The following MGAT4C variants were observed in gnomAD, a reference collection of about 807,000 sequenced individuals.
MGAT4C encodes alpha-1,3-mannosyl-glycoprotein 4-beta-N-acetylglucosaminyltransferase C.
In MGAT4C, 19 loss-of-function variants were observed where a neutral mutation model predicts 40.1. That is an observed-to-expected ratio of 0.47 (90% CI 0.33 to 0.70). The LOEUF is 0.70. Among genes scored for constraint, MGAT4C ranks in the 30% least tolerant of loss-of-function variants. The probability of loss-of-function intolerance (pLI) is 0.02; values close to 1 mark genes in which losing one functional copy is unlikely to be tolerated. For synonymous variants in MGAT4C, 181 were observed against 187.1 expected (o/e 0.97, Z 0.27); for missense variants, 491 against 563.2 (o/e 0.87, Z 1.30).
At chr12:86,801,424 TAATG>T (rs1019224298) in intron 1 of MGAT4C, among the ~76,000 whole-genome samples, 1 of 151,798 alleles carries the variant, frequency 6.6e-6, no homozygotes, top group Admixed American at 6.6e-5. Context: ...TTAGGAACAG[TAATG>T]AATATGAGTG....
intron 2 of MGAT4C, among the ~76,000 whole-genome samples, chr12:86,473,369 G>C (rs776350070): frequency 6.6e-6 from 1 of 152,136 alleles, no homozygotes; most frequent in Admixed American, 6.5e-5. Flanking sequence ...GCTGTGATCA[G>C]AGTTTGCACC....
intron 2 of MGAT4C, among the ~76,000 whole-genome samples, chr12:86,048,351 A>G (rs1473324410): frequency 6.6e-6 from 1 of 152,028 alleles, no homozygotes; most frequent in African/African-American, 2.4e-5. Flanking sequence ...TTGAAAAACT[A>G]CTAAATCGGG....
chr12:86,510,548 A>G (rs537354978), intron 2 of MGAT4C, among the ~76,000 whole-genome samples: 2 of 152,292 alleles, frequency 1.3e-5, no homozygotes, highest in South Asian at 4.1e-4. Flanking sequence ...AGACTGGCAA[A>G]TTGGATGAAG....
intron 2 of MGAT4C, among the ~76,000 whole-genome samples, chr12:86,514,394 T>C (rs939437752): frequency 2.8e-4 from 42 of 152,162 alleles, no homozygotes; most frequent in African/African-American, 9.9e-4. Flanking sequence ...ATTATATGTC[T>C]AAAGGTCAGA....
intron 2 of MGAT4C, among the ~76,000 whole-genome samples, chr12:86,485,572 A>T (rs1193887323): frequency 6.6e-6 from 1 of 152,196 alleles, no homozygotes; most frequent in Non-Finnish European, 1.5e-5. Context: ...TTCAAGAAAT[A>T]TGGGACTATG....
intron 1 of MGAT4C, among the ~76,000 whole-genome samples, chr12:86,055,207 T>C (rs1015301073): frequency 6.6e-6 from 1 of 152,074 alleles, no homozygotes; most frequent in African/African-American, 2.4e-5. Context: ...GTAAGAGTGA[T>C]GATTTATTCA....
At chr12:86,315,129 T>A (rs1167304998) in intron 4 of MGAT4C, among the ~76,000 whole-genome samples, 1 of 151,768 alleles carries the variant, frequency 6.6e-6, no homozygotes, top group Non-Finnish European at 1.5e-5. Context: ...AATGCCACAG[T>A]ATCAAAAACA....
chr12:86,758,355 C>T (rs1404417473), intron 1 of MGAT4C, among the ~76,000 whole-genome samples: 2 of 144,348 alleles, frequency 1.4e-5, no homozygotes, highest in African/African-American at 5.0e-5. Context: ...AGCTAGGGAA[C>T]ATATTTTTAT....
intron 1 of MGAT4C, among the ~76,000 whole-genome samples, chr12:86,804,494 T>C (rs1264819226): frequency 6.6e-6 from 1 of 151,808 alleles, no homozygotes; most frequent in Non-Finnish European, 1.5e-5. Flanking sequence ...ATGAATTAGC[T>C]ACATCATTTT....
At chr12:86,757,650 GTTC>G (rs1193913120) in intron 1 of MGAT4C, among the ~76,000 whole-genome samples, 1 of 152,138 alleles carries the variant, frequency 6.6e-6, no homozygotes, top group African/African-American at 2.4e-5. Flanking sequence ...GTGGATTTTT[GTTC>G]TTCTTAGAAT....
chr12:86,593,373 T>G (rs1427149963), intron 2 of MGAT4C, among the ~76,000 whole-genome samples: 1 of 152,130 alleles, frequency 6.6e-6, no homozygotes, highest in African/African-American at 2.4e-5. Context: ...TCTATTTCAT[T>G]AATTTCTGCT....
intron 1 of MGAT4C, among the ~76,000 whole-genome samples, chr12:86,733,383 C>G (rs1950940104): frequency 6.6e-6 from 1 of 151,940 alleles, no homozygotes; most frequent in Admixed American, 6.6e-5. Flanking sequence ...CACAAGGCAG[C>G]CATAGCAAGT....
chr12:86,500,024 T>C (rs1341115325), intron 2 of MGAT4C, among the ~76,000 whole-genome samples: 1 of 151,548 alleles, frequency 6.6e-6, no homozygotes. Context: ...TTTCAACATA[T>C]CAAAACATGC....
At chr12:86,623,405 A>C (rs1375684503) in intron 2 of MGAT4C, among the ~76,000 whole-genome samples, 1 of 152,172 alleles carries the variant, frequency 6.6e-6, no homozygotes, top group Non-Finnish European at 1.5e-5. Flanking sequence ...CTGACTTAAA[A>C]CGGGTTATAT....
At chr12:86,030,499 TA>T (rs1228110518) in intron 2 of MGAT4C, among the ~76,000 whole-genome samples, 1 of 151,596 alleles carries the variant, frequency 6.6e-6, no homozygotes, top group Admixed American at 6.6e-5. Flanking sequence ...AGACCAACAA[TA>T]AAAAACACTG....
At chr12:86,424,761 T>C in intron 3 of MGAT4C, among the ~76,000 whole-genome samples, 1 of 152,098 alleles carries the variant, frequency 6.6e-6, no homozygotes, top group Non-Finnish European at 1.5e-5. Flanking sequence ...TAAAAATATA[T>C]ATACATACAT....
chr12:86,296,129 A>T (rs1445869774), intron 4 of MGAT4C, among the ~76,000 whole-genome samples: 1 of 118,852 alleles, frequency 8.4e-6, no homozygotes, highest in African/African-American at 3.4e-5. Context: ...CTTGAGCTAA[A>T]TACAGGGTGC....
In MGAT4C at chr12:86,382,975, A is replaced by AC. The variant is rs200906780; in HGVS notation, c.-119-48849dup. On this transcript the variant is annotated intron_variant, in intron 3 of 7. Transcript: ENST00000548651. Reference sequence around the variant, plus strand: ...TGCAAAAGAGAAATGTGGGGTCAGAACCCCCACACAGAGTGCCTACTGGGG... The same window carrying AC: ...TGCAAAAGAGAAATGTGGGGTCAGAACCCCCCACACAGAGTGCCTACTGGGG... Among the ~76,000 whole-genome samples, 41 of 152,222 alleles carry AC rather than the reference A, an allele frequency of 2.7e-4. No homozygotes were observed. The East Asian group carries it at 7.4e-3, about 27-fold the overall frequency.
Position 86,711,817 on chromosome 12 carries a change from C to A in MGAT4C, c.-229+15392G>T, listed in dbSNP as rs866384741. On this transcript the variant is annotated intron_variant, in intron 2 of 7. Coordinates refer to the MGAT4C transcript ENST00000548651. The stretch of plus-strand genomic sequence containing the variant: ...GACACACAATTTGAATGACCCAGTG[C>A]AAAATGAAAATGTGAAACCCCTTGT... Among the ~76,000 whole-genome samples, 3 of 152,154 alleles carry A rather than the reference C, an allele frequency of 2.0e-5. No individual in the cohort carries two copies. The Middle Eastern group carries it at 0.01, about 518-fold the overall frequency.
Sources: gnomAD v4.1 joint callset for allele counts (sites outside exome capture counted in the v4.1 genomes callset) on GRCh38, gnomAD v4.1.1 for gene constraint, MANE v1.5 for transcripts, NCBI Gene and HGNC (gene_info 2026-07-23, HGNC 2026-07-21) for gene names.